ELP1: variants seen among roughly 807,000 people sequenced by gnomAD.
The protein encoded by ELP1 is elongator acetyltransferase complex subunit 1.
A neutral mutation model predicts 183.2 loss-of-function variants in ELP1; 131 were observed. The ratio of observed to expected loss-of-function variants is 0.72; its 90% confidence interval spans 0.62 to 0.83. The LOEUF is 0.83. Among genes scored for constraint, ELP1 ranks in the 40% least tolerant of loss-of-function variants. The pLI is 0.00. For synonymous variants in ELP1, 555 were observed against 569.0 expected (o/e 0.98, Z 0.35); for missense variants, 1,550 against 1,594.9 (o/e 0.97, Z 0.48).
At position 108,911,051 on chromosome 9, in the gene ELP1, G is replaced by A; in HGVS notation, c.1319C>T (p.Ala440Val). ...LAHPQKSNDL[A>V]VLDASNQISV... ...AATCTGGTTACTGGCATCTAGAACA[G>A]CAAGGTCATTACTCTTTTGAGGGTG... The change falls in exon 12 of 37, where the codon GCT (alanine) becomes GTT (valine). Residue 440 changes from alanine to valine, a missense_variant. By Grantham distance (64) the Ala-to-Val change is moderately conservative. Transcript: ENST00000374647. 6.2e-7 allele frequency: 1 copy of A among 1,614,060 alleles called. No individual in the cohort carries two copies. Among genetic ancestry groups the A allele is most frequent in the African/African-American group, 1.3e-5 (1 of 75,040 alleles).
At chr9:108,919,772 G>T (rs1301442725) in intron 6 of ELP1, among the ~76,000 whole-genome samples, 1 of 152,148 alleles carries the variant, frequency 6.6e-6, no homozygotes, top group Non-Finnish European at 1.5e-5. Flanking sequence ...TGAACAAGGT[G>T]AATAGGGAGG....
chr9:108,929,257 T>C (rs959660037), intron 3 of ELP1, among the ~76,000 whole-genome samples: 1 of 152,226 alleles, frequency 6.6e-6, no homozygotes, highest in African/African-American at 2.4e-5. Context: ...AACTCAACTA[T>C]ACACTAAAGT....
At position 108,911,061 on chromosome 9, in the gene ELP1, T is replaced by G. The variant is rs148609833; in HGVS notation, c.1309A>C (p.Asn437His). The change falls in exon 12 of 37, where the codon AAT becomes CAT. Residue 437 changes from asparagine (N) to histidine (H), a missense_variant. Physicochemically the swap from Asn to His is moderately conservative, Grantham distance 68. Transcript: ENST00000374647. ...VTFLAHPQKS[N>H]DLAVLDASNQ... ...CTGGCATCTAGAACAGCAAGGTCAT[T>G]ACTCTTTTGAGGGTGTGCTAAGAAT... is the stretch of plus-strand genomic sequence containing the variant. The G allele has an allele frequency of 7.2e-5, 116 of 1,614,016 alleles. 1 individual carries two copies. In the African/African-American group the frequency reaches 1.4e-3, roughly 19 times the overall value.
chr9:108,905,433 TG>T (rs1459271029), intron 14 of ELP1, among the ~76,000 whole-genome samples: 1 of 152,118 alleles, frequency 6.6e-6, no homozygotes, highest in Non-Finnish European at 1.5e-5. Flanking sequence ...AACTGAAACC[TG>T]TTACATAATG....
At chr9:108,924,537 T>C (rs1180854012) in intron 5 of ELP1, among the ~76,000 whole-genome samples, 1 of 152,168 alleles carries the variant, frequency 6.6e-6, no homozygotes, top group East Asian at 1.9e-4. Flanking sequence ...CAAAGTATAC[T>C]GTGTGCTGTT....
Position 108,879,956 on chromosome 9 carries a change from C to T in ELP1, c.3460+96G>A. On this transcript the variant is annotated intron_variant, in intron 32 of 36. Transcript: ENST00000374647. ...TCACACTTGCCCATGGCACAGTAAT[C>T]AGATTGCAGGCGGATCACCAAGCAA... 4 of 825,308 alleles carry T rather than the reference C, an allele frequency of 4.8e-6. No homozygotes were observed. The Admixed American group carries it at 7.3e-5, about 15-fold the overall frequency. The allele number at this position is 825,308 out of a possible 1,614,324, so 51.1% of individuals were successfully genotyped here.
intron 6 of ELP1, among the ~76,000 whole-genome samples, chr9:108,922,225 T>A (rs778944214): frequency 1.3e-5 from 2 of 152,140 alleles, no homozygotes; most frequent in Non-Finnish European, 2.9e-5. Flanking sequence ...AAATAAAATA[T>A]AAGAGTTTAA....
intron 11 of ELP1, among the ~76,000 whole-genome samples, chr9:108,911,969 T>G (rs1454699499): frequency 6.6e-6 from 1 of 152,104 alleles, no homozygotes; most frequent in East Asian, 1.9e-4. Context: ...CCCACAAGAC[T>G]GTACTGTTGT....
chr9:108,901,482 A>G lies in ELP1; in HGVS notation c.1957T>C (p.Leu653=), dbSNP rs542412132. Residue 653 remains leucine, a synonymous_variant, in exon 18 of 37, where the codon TTG becomes CTG. Coordinates refer to ENST00000374647, the MANE Select transcript of ELP1 (RefSeq NM_003640.5). The stretch of plus-strand genomic sequence containing the variant: ...TGGCAGGTATGGGAATGGGTTGTCA[A>G]CAATAAAAACTCATCATATACTGCA... ...SFAVYDEFLL[L]TTHSHTCQCF... is the part of the protein sequence containing the mutation. The G allele has an allele frequency of 6.7e-5, 108 of 1,614,158 alleles. 1 individual carries two copies. In the South Asian group the frequency reaches 1.1e-3, roughly 17 times the overall value.
intron 6 of ELP1, among the ~76,000 whole-genome samples, chr9:108,921,454 C>T (rs1427734244): frequency 6.6e-6 from 1 of 152,052 alleles, no homozygotes; most frequent in Non-Finnish European, 1.5e-5. Flanking sequence ...ATTTTTAAAT[C>T]GAAAAGATAT....
intron 13 of ELP1, among the ~76,000 whole-genome samples, chr9:108,907,455 AGGTTG>A (rs1829062905): frequency 6.6e-6 from 1 of 152,204 alleles, no homozygotes; most frequent in South Asian, 2.1e-4. Flanking sequence ...AATCATACAG[AGGTTG>A]AACACTTCTG....
chr9:108,918,362 C>T (rs1018334240), intron 8 of ELP1, among the ~76,000 whole-genome samples: 1 of 152,190 alleles, frequency 6.6e-6, no homozygotes, highest in Non-Finnish European at 1.5e-5. Context: ...AGCCTGCATG[C>T]TCCTTGGCAA....
At chr9:108,895,679 T>C (rs1828516762) in intron 25 of ELP1, among the ~76,000 whole-genome samples, 4 of 152,028 alleles carry the variant, frequency 2.6e-5, no homozygotes, top group South Asian at 2.1e-4. Context: ...AGCAGAGAGA[T>C]GAAGGATCCG....
chr9:108,889,582 A>C (rs1828247322), intron 28 of ELP1, 189 bp from the exon 29 acceptor site: 1 of 643,986 alleles, frequency 1.6e-6, no homozygotes, highest in Non-Finnish European at 2.8e-6. Context: ...AGGAATTGAA[A>C]ATCATATACA....
At chr9:108,889,205 TG>T in intron 29 of ELP1, 126 bp downstream of exon 29, 1 of 911,510 alleles carries the variant, frequency 1.1e-6, no homozygotes, top group Non-Finnish European at 1.8e-6. Context: ...ATAAGACCTC[TG>T]GGGCAAACAC....
At chr9:108,889,292 T>C (rs901844266) in intron 29 of ELP1, 40 bp downstream of exon 29, 1 of 1,566,002 alleles carries the variant, frequency 6.4e-7, no homozygotes, top group African/African-American at 1.4e-5. Flanking sequence ...AAGACCTTTC[T>C]TGCTGACTGG....
chr9:108,914,389 C>CT, intron 10 of ELP1, among the ~76,000 whole-genome samples: 1 of 97,516 alleles, frequency 1.0e-5, no homozygotes, highest in Non-Finnish European at 1.8e-5. Flanking sequence ...AAGAGAGAGA[C>CT]TCCGTCTCCA....
chr9:108,929,975 T>G (rs895347809), intron 2 of ELP1, 54 bp from the exon 3 acceptor site: 1 of 1,570,924 alleles, frequency 6.4e-7, no homozygotes, highest in African/African-American at 1.3e-5. Context: ...CAAGAATAAT[T>G]GATAACATTT....
At chr9:108,927,323 C>G in intron 4 of ELP1, 49 bp downstream of exon 4, 1 of 1,450,538 alleles carries the variant, frequency 6.9e-7, no homozygotes, top group Non-Finnish European at 9.7e-7. Context: ...TGTAAGACAT[C>G]TGGAATAATG....
Sources: allele counts gnomAD v4.1 joint callset (sites outside exome capture counted in the v4.1 genomes callset), GRCh38; gene constraint gnomAD v4.1.1; transcripts MANE v1.5; gene names NCBI Gene and HGNC (gene_info 2026-07-23, HGNC 2026-07-21).